DNAH8: variants seen among roughly 807,000 people sequenced by gnomAD.
DNAH8 encodes the protein dynein axonemal heavy chain 8.
In DNAH8, 382 loss-of-function variants were observed where a neutral mutation model predicts 562.1. That is an observed-to-expected ratio of 0.68 (90% CI 0.63 to 0.74). The LOEUF (loss-of-function observed/expected upper bound fraction) is 0.74, where lower values mean the gene tolerates loss of function less well. Among genes scored for constraint, DNAH8 ranks in the 30% least tolerant of loss-of-function variants. The probability of loss-of-function intolerance (pLI) is 0.00; values close to 1 mark genes in which losing one functional copy is unlikely to be tolerated. For synonymous variants in DNAH8, 1,881 were observed against 1,919.4 expected (o/e 0.98, Z 0.52); for missense variants, 5,203 against 5,620.4 (o/e 0.93, Z 2.37).
At chr6:38,965,418 A>G (rs1377010639) in intron 82 of DNAH8, among the ~76,000 whole-genome samples, 1 of 152,330 alleles carries the variant, frequency 6.6e-6, no homozygotes, top group East Asian at 1.9e-4. Context: ...AAGGATTAGA[A>G]TAAAGATCTC....
chr6:38,911,063 T>A lies in DNAH8; in HGVS notation c.9741-405T>A, dbSNP rs143802675. On this transcript the variant is annotated intron_variant, in intron 65 of 92. Coordinates refer to ENST00000327475, the MANE Select transcript of DNAH8 (RefSeq NM_001206927.2). ...GAGGTTGTAACAAATATCACTTGAA[T>A]GAAAATGGATCACAGCACAAATTCA... is the stretch of plus-strand genomic sequence containing the variant. Among the ~76,000 whole-genome samples, 496 of 152,340 alleles carry A rather than the reference T, an allele frequency of 3.3e-3. 15 individuals are homozygous for A. The highest frequency in any genetic ancestry group is 0.03 in the Admixed American group (464 of 15,294).
chr6:38,994,649 CTTTTT>C (rs5875650), intron 88 of DNAH8, among the ~76,000 whole-genome samples: 1 of 119,734 alleles, frequency 8.4e-6, no homozygotes, highest in Non-Finnish European at 1.8e-5. Context: ...CTTTTTTTTT[CTTTTT>C]TTTTTTTTTT....
At chr6:38,949,011 A>G (rs1761660765) in intron 80 of DNAH8, among the ~76,000 whole-genome samples, 1 of 152,118 alleles carries the variant, frequency 6.6e-6, no homozygotes, top group South Asian at 2.1e-4. Context: ...CCCCAGGGGC[A>G]TTTGGCTGTG....
intron 57 of DNAH8, among the ~76,000 whole-genome samples, chr6:38,888,386 C>T (rs72852792): frequency 0.15 from 22,506 of 151,816 alleles, 1,861 homozygotes; most frequent in Admixed American, 0.23. Context: ...AAAAAAAATA[C>T]CAATTTGACT....
Position 38,822,920 on chromosome 6 carries a change from G to A in DNAH8, c.3606G>A (p.Leu1202=). The A allele has an allele frequency of 6.2e-7, 1 of 1,613,342 alleles. No individual in the cohort carries two copies. The highest frequency in any genetic ancestry group is 8.5e-7 in the Non-Finnish European group (1 of 1,179,778). Residue 1202 remains leucine (L), a synonymous_variant, in exon 27 of 93, where the codon TTG becomes TTA. Coordinates refer to ENST00000327475, the MANE Select transcript of DNAH8 (RefSeq NM_001206927.2). ...GVAEHKDISK[L]VLLLSSSVNS... The stretch of plus-strand genomic sequence containing the variant: ...CGGAGCACAAGGATATTTCTAAGTT[G>A]GTCCTGCTCCTTTCTTCCTCTGTAA...
intron 52 of DNAH8, 109 bp from the exon 53 acceptor site, chr6:38,875,478 GATAT>G (rs1270885015): frequency 1.1e-5 from 7 of 646,700 alleles, no homozygotes; most frequent in Middle Eastern, 4.3e-4. Flanking sequence ...AATAGCTTGA[GATAT>G]ATCTATTTTT....
intron 87 of DNAH8, among the ~76,000 whole-genome samples, chr6:38,989,251 A>G (rs954528926): frequency 1.3e-5 from 2 of 152,024 alleles, no homozygotes; most frequent in African/African-American, 4.8e-5. Context: ...TCTTCCCATT[A>G]TTTCCTTCCC....
rs1583357142 is a variant in DNAH8, at chr6:38,921,390, G to A, written c.10546G>A (p.Gly3516Ser). Residue 3516 changes from glycine to serine, a missense_variant, in exon 71 of 93, where the codon GGC becomes AGC. Physicochemically the swap from Gly to Ser is moderately conservative, Grantham distance 56. Coordinates refer to ENST00000327475, the MANE Select transcript of DNAH8 (RefSeq NM_001206927.2). Reference sequence around the variant, plus strand: ...TCAGGCCAACCTGGCCAAGCAGGAAGGCCGGTTAGCAGTTGCTAATGCTGA... The same window carrying A: ...TCAGGCCAACCTGGCCAAGCAGGAAAGCCGGTTAGCAGTTGCTAATGCTGA... ...PLKANLAKQE[G>S]RLAVANAELG... The A allele has an allele frequency of 6.2e-7, 1 of 1,613,632 alleles. No homozygotes were observed. The highest frequency in any genetic ancestry group is 2.2e-5 in the East Asian group (1 of 44,814).
chr6:38,744,867 G>A (rs1764802425), intron 8 of DNAH8, among the ~76,000 whole-genome samples: 1 of 152,082 alleles, frequency 6.6e-6, no homozygotes, highest in Non-Finnish European at 1.5e-5. Context: ...CAAAGTGTTG[G>A]GATTACAGAC....
intron 79 of DNAH8, among the ~76,000 whole-genome samples, chr6:38,940,506 C>T (rs1783355168): frequency 6.6e-6 from 1 of 152,156 alleles, no homozygotes; most frequent in Non-Finnish European, 1.5e-5. Flanking sequence ...TTAACACAAC[C>T]AAGGTGTACT....
chr6:38,918,394 TAATC>T (rs772084835), intron 70 of DNAH8, among the ~76,000 whole-genome samples: 4 of 152,212 alleles, frequency 2.6e-5, no homozygotes, highest in Non-Finnish European at 5.9e-5. Flanking sequence ...TTGGGAATAA[TAATC>T]AAGCTGTCAT....
intron 87 of DNAH8, among the ~76,000 whole-genome samples, chr6:38,986,722 G>A (rs1056905366): frequency 1.3e-5 from 2 of 152,248 alleles, no homozygotes; most frequent in Non-Finnish European, 2.9e-5. Context: ...GGGATCAAGT[G>A]CGTGGGTGAA....
rs1307756665 is a variant in DNAH8 at position 38,894,782 on chromosome 6, A to C, written c.8665A>C (p.Thr2889Pro). Residue 2889 changes from threonine (T) to proline (P), a missense_variant, in exon 59 of 93, where the codon ACC (threonine) becomes CCC (proline). Thr to Pro is a conservative substitution (Grantham distance 38, BLOSUM62 -1). Around this residue, in one of 6 missense-constraint regions of DNAH8, gnomAD observed 977 missense variants for 1,061.8 expected, o/e 0.92. Transcript: ENST00000327475. ...TTCCAGAATTTGGCAAGGAATGTTG[A>C]CCATAAAAGCTGAGGAGTGCGCTTC... is the stretch of plus-strand genomic sequence containing the variant. ...DLSRIWQGML[T>P]IKAEECASIP... is the part of the protein sequence containing the mutation. 1.2e-6 allele frequency: 2 copies of C among 1,614,076 alleles called. No individual in the cohort carries two copies. The highest frequency in any genetic ancestry group is 1.7e-5 in the Admixed American group (1 of 60,022).
At chr6:38,804,597 C>G (rs903243100) in intron 22 of DNAH8, among the ~76,000 whole-genome samples, 1 of 152,120 alleles carries the variant, frequency 6.6e-6, no homozygotes, top group African/African-American at 2.4e-5. Context: ...GTGTGCCACC[C>G]AGACTCTCGA....
At chr6:39,024,768 C>T (rs1031961735) in intron 91 of DNAH8, among the ~76,000 whole-genome samples, 3 of 152,216 alleles carry the variant, frequency 2.0e-5, no homozygotes, top group Admixed American at 2.0e-4. Context: ...AGGCAAACTT[C>T]CACTACATTT....
rs1054944540 is a variant in DNAH8 at position 38,970,286 on chromosome 6, G to A, written c.12452-1306G>A. 1.5e-4 allele frequency among the ~76,000 whole-genome samples: 23 copies of A among 152,110 alleles called. 1 individual carries two copies. The highest frequency in any genetic ancestry group is 5.9e-5 in the Non-Finnish European group (4 of 68,030). On this transcript the variant is annotated intron_variant, in intron 82 of 92. Coordinates refer to ENST00000327475, the MANE Select transcript of DNAH8 (RefSeq NM_001206927.2). ...TAAGTGGGGCTCGATATCTATCCACGATCCAGAGGCTCCTCCCATTCAAGT... is the reference window on the plus strand; with the variant it reads ...TAAGTGGGGCTCGATATCTATCCACAATCCAGAGGCTCCTCCCATTCAAGT...
At chr6:38,808,960 G>A (rs1299437377) in intron 24 of DNAH8, among the ~76,000 whole-genome samples, 1 of 152,084 alleles carries the variant, frequency 6.6e-6, no homozygotes, top group African/African-American at 2.4e-5. Context: ...GGATAGGGGA[G>A]GGATAGCATT....
At chr6:38,820,656 T>C (rs1772737590) in intron 26 of DNAH8, among the ~76,000 whole-genome samples, 1 of 152,200 alleles carries the variant, frequency 6.6e-6, no homozygotes, top group African/African-American at 2.4e-5. Context: ...TCCAGCAGTG[T>C]ATAAAAAGTG....
Position 38,715,903 on chromosome 6 carries a change from A to AAAATAAATAAATAAAT in DNAH8, c.-35+498_-35+513dup, listed in dbSNP as rs767028862. 1.2e-3 allele frequency among the ~76,000 whole-genome samples: 77 copies of AAAATAAATAAATAAAT among 65,192 alleles called. 1 individual carries two copies. Among genetic ancestry groups the AAAATAAATAAATAAAT allele is most frequent in the African/African-American group, 1.4e-3 (16 of 11,334 alleles). 42.8% of individuals were successfully genotyped at this position (65,192 alleles called of 152,430 possible). A position where few individuals can be genotyped will look rare whatever the true frequency, so the allele number is the denominator to read the frequency against. On this transcript the variant is annotated intron_variant, in intron 1 of 92. Coordinates refer to ENST00000327475, the MANE Select transcript of DNAH8 (RefSeq NM_001206927.2). ...AACCACCTGTACCCGAAAAGCTATTAAAATAAATAAATAAATAAATAAATA... is the reference window on the plus strand; with the variant it reads ...AACCACCTGTACCCGAAAAGCTATTAAAATAAATAAATAAATAAATAAATAAATAAATAAATAAATA...
Sources: allele counts gnomAD v4.1 joint callset (sites outside exome capture counted in the v4.1 genomes callset), GRCh38; gene constraint gnomAD v4.1.1; regional missense constraint gnomAD v4.1.1; transcripts MANE v1.5; gene names NCBI Gene and HGNC (gene_info 2026-07-23, HGNC 2026-07-21).